Variants in KMT2E observed in about 807,000 individuals in gnomAD.
KMT2E encodes histone reader KMT2E.
Under a neutral mutation model 184.6 loss-of-function variants are expected in KMT2E, and 30 were observed. That is an observed-to-expected ratio of 0.16 (90% CI 0.12 to 0.22). The LOEUF (loss-of-function observed/expected upper bound fraction) is 0.22. Among genes scored for constraint, KMT2E ranks in the 10% least tolerant of loss-of-function variants. KMT2E has a pLI of 1.00. For synonymous variants in KMT2E, 815 were observed against 776.5 expected, an observed-to-expected ratio of 1.05 and a Z score of -0.82; for missense variants, 2,023 against 2,237.4, an observed-to-expected ratio of 0.90 and a Z score of 1.93.
intron 6 of KMT2E, among the ~76,000 whole-genome samples, chr7:105,069,688 G>A (rs10808140): frequency 0.27 from 41,469 of 152,060 alleles, 8,325 homozygotes; most frequent in East Asian, 0.64. Flanking sequence ...TCTTTTACCT[G>A]TTTTGCCCCA....
At chr7:105,065,936 C>G (rs770117414) in intron 5 of KMT2E, among the ~76,000 whole-genome samples, 1 of 152,136 alleles carries the variant, frequency 6.6e-6, no homozygotes, top group Non-Finnish European at 1.5e-5. Flanking sequence ...AGAAATTTGC[C>G]TCAAACTGGT....
Position 105,101,495 on chromosome 7 carries a change from G to A in KMT2E, c.1793G>A (p.Arg598Lys), listed in dbSNP as rs755386379. Residue 598 changes from arginine (R) to lysine (K), a missense_variant, in exon 16 of 27, where the codon AGA becomes AAA. By Grantham distance (26) the Arg-to-Lys change is conservative. This residue lies in a region of KMT2E where 514 missense variants were observed against 621.8 expected (regional missense o/e 0.83). Transcript: ENST00000311117. Reference protein sequence around the residue: ...FARLEKREKRREQALERISTA... With the variant: ...FARLEKREKRKEQALERISTA... Reference sequence around the variant, plus strand: ...AGACTTGAAAAGAGAGAGAAAAGAAGAGAACAAGCTTTGGAAAGGATCAGC... The same window carrying A: ...AGACTTGAAAAGAGAGAGAAAAGAAAAGAACAAGCTTTGGAAAGGATCAGC... The A allele has an allele frequency of 1.9e-6, 3 of 1,591,744 alleles. No individual in the cohort carries two copies. The highest frequency in any genetic ancestry group is 2.6e-6 in the Non-Finnish European group (3 of 1,171,732).
intron 15 of KMT2E, among the ~76,000 whole-genome samples, chr7:105,101,150 CTTTT>C (rs1237827395): frequency 3.9e-5 from 6 of 151,982 alleles, no homozygotes; most frequent in Non-Finnish European, 7.4e-5. Context: ...ATTTTTGAGG[CTTTT>C]TTGTTTTGTT....
chr7:105,031,631 A>G (rs887758193), intron 1 of KMT2E, among the ~76,000 whole-genome samples: 6 of 149,234 alleles, frequency 4.0e-5, no homozygotes, highest in African/African-American at 1.5e-4. Flanking sequence ...GGGCACCTGT[A>G]ATGCCACCTA....
At chr7:105,078,673 T>C (rs1797631411) in intron 11 of KMT2E, among the ~76,000 whole-genome samples, 173 bp from the exon 12 acceptor site, 1 of 138,956 alleles carries the variant, frequency 7.2e-6, no homozygotes, top group Non-Finnish European at 1.6e-5. Context: ...TTTTTTTTTT[T>C]TTTTTTTTTT....
At chr7:105,020,606 G>A (rs1333141126) in intron 1 of KMT2E, among the ~76,000 whole-genome samples, 1 of 152,088 alleles carries the variant, frequency 6.6e-6, no homozygotes. Context: ...TAAAGTTTAT[G>A]TAATTATGCT....
chr7:105,056,012 G>T (rs1321733921), intron 3 of KMT2E, among the ~76,000 whole-genome samples: 6 of 150,944 alleles, frequency 4.0e-5, no homozygotes, highest in Non-Finnish European at 8.8e-5. Context: ...CTATATTATT[G>T]TAAGTTCCTT....
At chr7:105,029,168 C>T (rs1281604553) in intron 1 of KMT2E, among the ~76,000 whole-genome samples, 2 of 151,946 alleles carry the variant, frequency 1.3e-5, no homozygotes, top group Non-Finnish European at 2.9e-5. Context: ...GAGGCTGAGT[C>T]AGAGGAATTG....
intron 2 of KMT2E, among the ~76,000 whole-genome samples, chr7:105,039,597 A>G (rs545963269): frequency 2.0e-5 from 3 of 152,330 alleles, no homozygotes; most frequent in Non-Finnish European, 2.9e-5. Flanking sequence ...GAGTTCATAC[A>G]TTATGGGGGA....
intron 15 of KMT2E, among the ~76,000 whole-genome samples, chr7:105,094,741 G>A (rs961428207): frequency 1.1e-4 from 17 of 152,148 alleles, no homozygotes; most frequent in African/African-American, 3.9e-4. Flanking sequence ...GTTACCCACT[G>A]AGGTTCACAA....
At chr7:105,041,901 T>C (rs1048920323) in intron 3 of KMT2E, among the ~76,000 whole-genome samples, 13 of 152,234 alleles carry the variant, frequency 8.5e-5, no homozygotes, top group Admixed American at 5.9e-4. Context: ...TTGATTTGTT[T>C]GTACTAATTG....
At chr7:105,063,974 A>G (rs1361313399) in intron 5 of KMT2E, 1 of 452,024 alleles carries the variant, frequency 2.2e-6, no homozygotes. Flanking sequence ...AAACATTTTC[A>G]TTGATGTTTG....
chr7:105,109,305 C>A, intron 23 of KMT2E, 77 bp downstream of exon 23: 1 of 1,417,600 alleles, frequency 7.1e-7, no homozygotes, highest in Non-Finnish European at 9.6e-7. Context: ...GTTGTTCTCC[C>A]AAGGCTAAGC....
Position 105,085,038 on chromosome 7 carries a change from T to G in KMT2E, c.1358+3241T>G, listed in dbSNP as rs73404010. 5.9e-3 allele frequency among the ~76,000 whole-genome samples: 898 copies of G among 152,206 alleles called. 10 individuals are homozygous for G. Among genetic ancestry groups the G allele is most frequent in the African/African-American group, 0.02 (849 of 41,498 alleles). Reference sequence around the variant, plus strand: ...ATGCATATGCATTCTTGACATAACTTTTTCTTTTTTTTTTAATATTTCTAG... The same window carrying G: ...ATGCATATGCATTCTTGACATAACTGTTTCTTTTTTTTTTAATATTTCTAG... On this transcript the variant is annotated intron_variant, in intron 13 of 26. Transcript: ENST00000311117.
At position 105,062,190 on chromosome 7, in the gene KMT2E, T is replaced by G; in HGVS notation, c.98T>G (p.Val33Gly). The G allele has an allele frequency of 1.2e-6, 2 of 1,613,202 alleles. No homozygotes were observed. The highest frequency in any genetic ancestry group is 1.1e-5 in the South Asian group (1 of 91,018). ...SEPESVEASP[V>G]VVEKSNSYPH... ...CCAGAATCCGTAGAAGCTAGCCCTG[T>G]GGTAGTTGAGAAATCCAACAGTTAT... The change falls in exon 4 of 27, where the codon GTG (valine) becomes GGG (glycine). Residue 33 changes from valine to glycine, a missense_variant. By Grantham distance (109) the Val-to-Gly change is moderately radical. Around this residue, in one of 8 missense-constraint regions of KMT2E, gnomAD observed 63 missense variants for 68.9 expected, o/e 0.91. Transcript: ENST00000311117.
intron 3 of KMT2E, among the ~76,000 whole-genome samples, chr7:105,054,486 ATCTATCTATCTATCT>A (rs1796488702): frequency 1.3e-5 from 2 of 150,566 alleles, no homozygotes; most frequent in Non-Finnish European, 2.9e-5. Context: ...CTATCTATCT[ATCTATCTATCTATCT>A]ATCTATCTAT....
intron 22 of KMT2E, 39 bp from the exon 23 acceptor site, chr7:105,108,903 G>C (rs1799040792): frequency 2.0e-6 from 3 of 1,528,206 alleles, no homozygotes. Flanking sequence ...TAAAAAACAA[G>C]AATAAAAGAT....
chr7:105,043,461 C>G (rs1037682370), intron 3 of KMT2E, among the ~76,000 whole-genome samples: 1 of 151,914 alleles, frequency 6.6e-6, no homozygotes, highest in Non-Finnish European at 1.5e-5. Context: ...TGGTCTCGAT[C>G]TCCTGACCTC....
In KMT2E at chr7:105,109,090, G is replaced by A. The variant is rs1011342189; in HGVS notation, c.3617G>A (p.Gly1206Glu). 1.9e-6 allele frequency: 3 copies of A among 1,614,166 alleles called. No homozygotes were observed. The highest frequency in any genetic ancestry group is 2.2e-5 in the South Asian group (2 of 91,078). ...GDGCASSNDN[G>E]EQVDHTASLP... ...GGCTGTGCCAGCAGTAATGACAATGGGGAGCAGGTGGACCACACTGCTAGC... is the reference window on the plus strand; with the variant it reads ...GGCTGTGCCAGCAGTAATGACAATGAGGAGCAGGTGGACCACACTGCTAGC... The change falls in exon 23 of 27, where the codon GGG becomes GAG. Residue 1206 changes from glycine to glutamate, a missense_variant. Around this residue, in one of 8 missense-constraint regions of KMT2E, gnomAD observed 1,108 missense variants for 1,050.9 expected, o/e 1.05. Transcript: ENST00000311117.
Sources: gnomAD v4.1 joint callset for allele counts (sites outside exome capture counted in the v4.1 genomes callset) on GRCh38, gnomAD v4.1.1 for gene constraint, gnomAD v4.1.1 regional missense constraint, MANE v1.5 for transcripts, NCBI Gene and HGNC (gene_info 2026-07-23, HGNC 2026-07-21) for gene names.